Variants in LYRM4 observed in about 807,000 individuals in gnomAD.
LYRM4 encodes LYR motif containing 4.
A neutral mutation model predicts 11.7 loss-of-function variants in LYRM4; 9 were observed. The observed-to-expected ratio is 0.77, with a 90% CI of 0.46 to 1.34. LYRM4 has a LOEUF of 1.34. LYRM4 is among the 40% of genes most tolerant of loss of function. The pLI is 0.00. For synonymous variants in LYRM4, 42 were observed against 40.4 expected, an observed-to-expected ratio of 1.04 and a Z score of -0.15; for missense variants, 133 against 112.5, an observed-to-expected ratio of 1.18 and a Z score of -0.82.
chr6:5,050,122 C>T, the LYRM4 span, among the ~76,000 whole-genome samples: 45 of 152,262 alleles, frequency 3.0e-4, no homozygotes, highest in Admixed American at 8.5e-4. Context: ...AACAATTGCA[C>T]TGGCAGGATC....
chr6:5,093,205 G>T, the LYRM4 span, among the ~76,000 whole-genome samples: 1 of 152,220 alleles, frequency 6.6e-6, no homozygotes, highest in Non-Finnish European at 1.5e-5. Flanking sequence ...AGTAATTAAA[G>T]ATGAATTTAT....
chr6:5,097,478 A>T, the LYRM4 span, among the ~76,000 whole-genome samples: 1 of 151,948 alleles, frequency 6.6e-6, no homozygotes, highest in East Asian at 1.9e-4. Context: ...CCTCCTAAGT[A>T]GCTGGGACTA....
chr6:5,129,987 T>C (rs561340663), intron 2 of LYRM4, among the ~76,000 whole-genome samples: 17 of 152,366 alleles, frequency 1.1e-4, no homozygotes, highest in Non-Finnish European at 2.4e-4. Context: ...ACTTGGAATA[T>C]GCTTTTCTTA....
intron 2 of LYRM4, among the ~76,000 whole-genome samples, chr6:5,213,807 T>C (rs960329966): frequency 1.3e-5 from 2 of 152,218 alleles, no homozygotes; most frequent in Non-Finnish European, 2.9e-5. Context: ...GCCAGCTCTA[T>C]GTGGGATGTT....
chr6:5,093,819 C>G, the LYRM4 span, among the ~76,000 whole-genome samples: 1 of 152,150 alleles, frequency 6.6e-6, no homozygotes, highest in Non-Finnish European at 1.5e-5. Flanking sequence ...GAGTAATAGT[C>G]CATCGACCAC....
At chr6:5,097,887 T>C in the LYRM4 span, among the ~76,000 whole-genome samples, 1 of 152,242 alleles carries the variant, frequency 6.6e-6, no homozygotes. Context: ...TGCGTTTCCT[T>C]ACAACAGCCT....
intron 2 of LYRM4, among the ~76,000 whole-genome samples, chr6:5,206,065 C>CA (rs1761679448): frequency 1.3e-5 from 2 of 152,218 alleles, no homozygotes; most frequent in Non-Finnish European, 2.9e-5. Flanking sequence ...AACACACTTG[C>CA]TGGGAGATCT....
At chr6:5,156,182 T>G (rs1414485009) in intron 2 of LYRM4, among the ~76,000 whole-genome samples, 1 of 152,218 alleles carries the variant, frequency 6.6e-6, no homozygotes, top group Non-Finnish European at 1.5e-5. Flanking sequence ...GTTCCAAAGA[T>G]ACAGCCTAAG....
intron 1 of LYRM4, among the ~76,000 whole-genome samples, chr6:5,249,235 A>C (rs781760537): frequency 2.6e-5 from 4 of 152,232 alleles, no homozygotes; most frequent in Non-Finnish European, 5.9e-5. Context: ...CGAGTAAATG[A>C]TTTATACCAA....
At chr6:5,138,156 A>G (rs1757195807) in intron 2 of LYRM4, among the ~76,000 whole-genome samples, 1 of 152,154 alleles carries the variant, frequency 6.6e-6, no homozygotes, top group Admixed American at 6.6e-5. Context: ...CATGATGACA[A>G]AAGAAGACAT....
chr6:5,229,088 A>C (rs1402899858), intron 1 of LYRM4, among the ~76,000 whole-genome samples: 5 of 152,154 alleles, frequency 3.3e-5, no homozygotes, highest in African/African-American at 7.2e-5. Context: ...AATAGGGAAC[A>C]AGGTTTTAAA....
chr6:5,071,650 A>G, the LYRM4 span, among the ~76,000 whole-genome samples: 3 of 151,596 alleles, frequency 2.0e-5, no homozygotes, highest in Non-Finnish European at 2.9e-5. Flanking sequence ...GTGTGTGTGT[A>G]TATATATGAC....
At chr6:5,070,422 T>C in the LYRM4 span, among the ~76,000 whole-genome samples, 1 of 152,238 alleles carries the variant, frequency 6.6e-6, no homozygotes, top group South Asian at 2.1e-4. Flanking sequence ...TGCTAGATAG[T>C]GAAAGTATAA....
At position 5,109,055 on chromosome 6, in the gene LYRM4, T is replaced by C. The variant is rs1239591808; in HGVS notation, c.*368A>G. The C allele has an allele frequency of 2.0e-6, 2 of 1,022,856 alleles. No individual in the cohort carries two copies. The highest frequency in any genetic ancestry group is 3.4e-5 in the African/African-American group (2 of 58,950). The allele number at this position is 1,022,856 out of a possible 1,614,324, so 63.4% of individuals were successfully genotyped here. A position where few individuals can be genotyped will look rare whatever the true frequency, so the allele number is the denominator to read the frequency against. ...GAAAATGCATTAATTGGGAGGGGTT[T>C]ATCTGGGGTCAAAGGCTCAGGGAGA... On this transcript the variant is annotated 3_prime_UTR_variant, in exon 3 of 3. Transcript: ENST00000330636.
intron 2 of LYRM4, chr6:5,144,376 G>A: frequency 8.2e-7 from 1 of 1,213,228 alleles, no homozygotes; most frequent in South Asian, 1.3e-5. Flanking sequence ...GGTGGCTGAA[G>A]CCTGTAATTC....
At chr6:5,148,273 C>A (rs1046793106) in intron 2 of LYRM4, 5 of 154,562 alleles carry the variant, frequency 3.2e-5, no homozygotes, top group African/African-American at 9.6e-5. Flanking sequence ...TTGGTCCCCA[C>A]CCTCAGCAGT....
At chr6:5,257,929 T>C (rs960891872) in intron 1 of LYRM4, among the ~76,000 whole-genome samples, 1 of 152,082 alleles carries the variant, frequency 6.6e-6, no homozygotes, top group Non-Finnish European at 1.5e-5. Context: ...ATGAGACCTG[T>C]TTGGCTGGTG....
the LYRM4 span, chr6:5,067,028 CT>C: frequency 4.3e-6 from 2 of 470,246 alleles, no homozygotes; most frequent in Non-Finnish European, 7.0e-6. Context: ...GGGGTTGCTA[CT>C]GCAGTGAACC....
chr6:5,222,107 G>A (rs1762615793), intron 1 of LYRM4, among the ~76,000 whole-genome samples: 1 of 152,164 alleles, frequency 6.6e-6, no homozygotes, highest in African/African-American at 2.4e-5. Flanking sequence ...GTTTCTTTCT[G>A]ATAATGTGAG....
Sources: gnomAD v4.1 joint callset for allele counts (sites outside exome capture counted in the v4.1 genomes callset) on GRCh38, gnomAD v4.1.1 for gene constraint, MANE v1.5 for transcripts, NCBI Gene and HGNC (gene_info 2026-07-23, HGNC 2026-07-21) for gene names.